The following GRXCR2 variants were observed in gnomAD, a reference collection of about 807,000 sequenced individuals.
The protein encoded by GRXCR2 is glutaredoxin and cysteine rich domain containing 2, also known as glutaredoxin domain-containing cysteine-rich protein 2.
Under a neutral mutation model 24.8 loss-of-function variants are expected in GRXCR2, and 23 were observed. The observed-to-expected ratio is 0.93, with a 90% CI of 0.67 to 1.32. The LOEUF (loss-of-function observed/expected upper bound fraction) is 1.32. Among genes scored for constraint, GRXCR2 ranks in the 40% most tolerant of loss-of-function variants. The probability of loss-of-function intolerance (pLI) is 0.00; values close to 1 mark genes in which losing one functional copy is unlikely to be tolerated. For synonymous variants in GRXCR2, 130 were observed against 116.1 expected, an observed-to-expected ratio of 1.12 and a Z score of -0.77; for missense variants, 315 against 303.4, an observed-to-expected ratio of 1.04 and a Z score of -0.28.
intron 2 of GRXCR2, among the ~76,000 whole-genome samples, chr5:145,908,922 T>C (rs1352311564): frequency 1.7e-4 from 26 of 152,196 alleles, no homozygotes; most frequent in Admixed American, 1.7e-3. Flanking sequence ...ACCCAAGACT[T>C]CTGCATCTGG....
intron 2 of GRXCR2, among the ~76,000 whole-genome samples, chr5:145,928,430 G>A (rs1347944808): frequency 1.3e-5 from 2 of 152,084 alleles, no homozygotes; most frequent in South Asian, 2.1e-4. Context: ...TATAAATCAT[G>A]CTGCTATAAA....
intron 2 of GRXCR2, among the ~76,000 whole-genome samples, chr5:145,898,613 G>A (rs1357046342): frequency 6.6e-6 from 1 of 152,120 alleles, no homozygotes; most frequent in Non-Finnish European, 1.5e-5. Context: ...TTCCTGGGAT[G>A]CAAGGTTGGT....
At chr5:145,866,349 A>C in intron 2 of GRXCR2, 152 bp downstream of exon 2, 1 of 603,846 alleles carries the variant, frequency 1.7e-6, no homozygotes. Flanking sequence ...ATTAAAATAT[A>C]ACAAATGTTA....
At chr5:145,893,045 G>A (rs1254518337) in intron 2 of GRXCR2, among the ~76,000 whole-genome samples, 1 of 152,124 alleles carries the variant, frequency 6.6e-6, no homozygotes, top group Admixed American at 6.6e-5. Flanking sequence ...CTTCATAAGT[G>A]AAGGAGAAAT....
intron 2 of GRXCR2, 51 bp from the exon 3 acceptor site, chr5:145,859,966 T>C: frequency 6.9e-7 from 1 of 1,458,658 alleles, no homozygotes; most frequent in Non-Finnish European, 9.2e-7. Context: ...AAGTCCGTTG[T>C]TCACATGCAG....
chr5:145,866,719 T>C lies in GRXCR2; in HGVS notation c.346A>G (p.Ile116Val). Reference protein sequence around the residue: ...YKANDHKPLPIIDFGKIIIYT... With the variant: ...YKANDHKPLPVIDFGKIIIYT... ...ATGATTATCTTTCCAAAATCTATAA[T>C]AGGTAGGGGCTAGAGAAATGGAGAA... Residue 116 changes from isoleucine to valine, a missense_variant, in exon 2 of 3, where the codon ATT (isoleucine) becomes GTT (valine). Coordinates refer to ENST00000377976, the MANE Select transcript of GRXCR2 (RefSeq NM_001080516.2). 1 of 1,600,032 alleles carries C rather than the reference T, an allele frequency of 6.2e-7. No homozygotes were observed. The highest frequency in any genetic ancestry group is 8.6e-7 in the Non-Finnish European group (1 of 1,167,398).
rs558159383 is a variant in GRXCR2, at chr5:145,891,652, GA to G, written c.-69-24925del. Among the ~76,000 whole-genome samples the G allele has an allele frequency of 2.9e-3, 446 of 152,282 alleles. 2 individuals are homozygous for G. Among genetic ancestry groups the G allele is most frequent in the Middle Eastern group, 0.02 (6 of 294 alleles). ...GCGGCCAGGAAGCTCGAACTCGGTGGAGCCCACTGCAGCTCAAGGAGGCCTG... is the reference window on the plus strand; with the variant it reads ...GCGGCCAGGAAGCTCGAACTCGGTGGGCCCACTGCAGCTCAAGGAGGCCTG... On this transcript the variant is annotated intron_variant, in intron 2 of 3. Transcript: ENST00000639411.
At chr5:145,897,325 TA>T (rs1166752885) in intron 2 of GRXCR2, among the ~76,000 whole-genome samples, 74 of 142,130 alleles carry the variant, frequency 5.2e-4, no homozygotes, top group Middle Eastern at 3.6e-3. Flanking sequence ...TAAAGTATAA[TA>T]AAAAAAAAAA....
chr5:145,919,869 A>G (rs1757299361), intron 2 of GRXCR2, among the ~76,000 whole-genome samples: 1 of 152,164 alleles, frequency 6.6e-6, no homozygotes, highest in African/African-American at 2.4e-5. Flanking sequence ...AACCTCCCCA[A>G]AACATGTCCT....
At chr5:145,876,543 T>A (rs530466654), upstream of GRXCR2, among the ~76,000 whole-genome samples, 1 of 152,108 alleles carries the variant, frequency 6.6e-6, no homozygotes, top group African/African-American at 2.4e-5. Flanking sequence ...CAATAGCCTA[T>A]CTTCATCTAG....
rs904273179 is a variant in GRXCR2, at chr5:145,883,194, A to G, written c.-69-16466T>C. On this transcript the variant is annotated intron_variant, in intron 2 of 3. Transcript: ENST00000639411. ...AATTAAAAAAAAGAAAAAGAAAAAAACCTGTATAGAAAAGAGACTAAAAGT... is the reference window on the plus strand; with the variant it reads ...AATTAAAAAAAAGAAAAAGAAAAAAGCCTGTATAGAAAAGAGACTAAAAGT... 2.0e-5 allele frequency among the ~76,000 whole-genome samples: 3 copies of G among 152,070 alleles called. No homozygotes were observed. In the East Asian group the frequency reaches 5.8e-4, roughly 29 times the overall value.
intron 2 of GRXCR2, among the ~76,000 whole-genome samples, chr5:145,892,659 G>T (rs936737351): frequency 6.6e-6 from 1 of 152,196 alleles, no homozygotes; most frequent in Non-Finnish European, 1.5e-5. Flanking sequence ...CGTCTGACTG[G>T]TGTACCTGAA....
At chr5:145,888,037 T>C (rs1430389123) in intron 2 of GRXCR2, among the ~76,000 whole-genome samples, 1 of 152,262 alleles carries the variant, frequency 6.6e-6, no homozygotes, top group Non-Finnish European at 1.5e-5. Context: ...GGTAATTGTT[T>C]AATTTATTAA....
intron 2 of GRXCR2, among the ~76,000 whole-genome samples, chr5:145,894,618 C>A (rs529348154): frequency 6.6e-6 from 1 of 152,224 alleles, no homozygotes; most frequent in African/African-American, 2.4e-5. Flanking sequence ...CAATAACAGG[C>A]TCTGAAATTG....
chr5:145,922,286 C>T (rs546657703), intron 2 of GRXCR2, among the ~76,000 whole-genome samples: 28 of 152,302 alleles, frequency 1.8e-4, no homozygotes, highest in Non-Finnish European at 3.8e-4. Flanking sequence ...TGGAATATCC[C>T]CTCCCTTTCT....
chr5:145,907,605 A>G (rs996044026), intron 2 of GRXCR2, among the ~76,000 whole-genome samples: 9 of 152,098 alleles, frequency 5.9e-5, no homozygotes, highest in Non-Finnish European at 8.8e-5. Flanking sequence ...GAGACCACAG[A>G]AACCAAGAGA....
intron 2 of GRXCR2, among the ~76,000 whole-genome samples, chr5:145,891,138 A>G (rs188268221): frequency 8.1e-4 from 124 of 152,310 alleles, no homozygotes; most frequent in African/African-American, 2.9e-3. Context: ...AGACCTATGA[A>G]AAGACTTAAG....
intron 2 of GRXCR2, among the ~76,000 whole-genome samples, chr5:145,901,060 C>G (rs1757016423): frequency 6.6e-6 from 1 of 151,558 alleles, no homozygotes; most frequent in Non-Finnish European, 1.5e-5. Flanking sequence ...AAAACCAAAT[C>G]CCACATGTTT....
At chr5:145,857,804 T>A (rs971673211), downstream of GRXCR2, among the ~76,000 whole-genome samples, 1 of 152,200 alleles carries the variant, frequency 6.6e-6, no homozygotes, top group Non-Finnish European at 1.5e-5. Flanking sequence ...CCCTTCTGCA[T>A]GCTCCAAATG....
Sources: gnomAD v4.1 joint callset for allele counts (sites outside exome capture counted in the v4.1 genomes callset) on GRCh38, gnomAD v4.1.1 for gene constraint, MANE v1.5 for transcripts, NCBI Gene and HGNC (gene_info 2026-07-23, HGNC 2026-07-21) for gene names.